Variants in ZNF875 observed in about 807,000 individuals in gnomAD.
ZNF875 encodes HKR1, GLI-Kruppel zinc finger family member.
ZNF875 carries 14 observed loss-of-function variants against 11.2 expected under a neutral mutation model. That is an observed-to-expected ratio of 1.26 (90% CI 0.83 to 1.96). The LOEUF (loss-of-function observed/expected upper bound fraction) is 1.96. ZNF875 is among the 30% of genes most tolerant of loss of function. The pLI is 0.00. For missense variants in ZNF875, 752 were observed against 760.4 expected (o/e 0.99, Z 0.13); for synonymous variants, 301 against 281.1 (o/e 1.07, Z -0.71).
chr19:37,327,790 C>T (rs1169975895), intron 4 of ZNF875, among the ~76,000 whole-genome samples: 3 of 150,206 alleles, frequency 2.0e-5, no homozygotes, highest in Non-Finnish European at 1.5e-5. Context: ...CATACTCGCT[C>T]GTATCAAAAA....
Position 37,320,476 on chromosome 19 carries a change from G to A in ZNF875, c.-746-1709G>A. 1.3e-5 allele frequency among the ~76,000 whole-genome samples: 2 copies of A among 152,192 alleles called. 1 individual carries two copies. The highest frequency in any genetic ancestry group is 4.1e-4 in the South Asian group (2 of 4,830). ...TATTGTTACTTAATGTGTTAAAGTGGCTGTTACAGACACTATTACTATGTC... is the reference window on the plus strand; with the variant it reads ...TATTGTTACTTAATGTGTTAAAGTGACTGTTACAGACACTATTACTATGTC... On this transcript the variant is annotated intron_variant, in intron 1 of 5. Coordinates refer to the ZNF875 transcript ENST00000544914.
chr19:37,362,538 A>T lies in ZNF875; in HGVS notation c.686A>T (p.Glu229Val), dbSNP rs1291712220. 1.2e-6 allele frequency: 2 copies of T among 1,614,234 alleles called. 1 individual carries two copies. Among genetic ancestry groups the T allele is most frequent in the South Asian group, 2.2e-5 (2 of 91,084 alleles). Reference protein sequence around the residue: ...EVSGFGEIKYEEFGPGFIKES... With the variant: ...EVSGFGEIKYVEFGPGFIKES... ...TCAGGATTTGGAGAAATCAAATATG[A>T]AGAGTTTGGGCCAGGCTTTATCAAG... The change falls in exon 5 of 5, where the codon GAA (glutamate) becomes GTA (valine). Residue 229 changes from glutamate to valine, a missense_variant. Physicochemically the swap from Glu to Val is moderately radical, Grantham distance 121. Transcript: ENST00000392153.
intron 4 of ZNF875, among the ~76,000 whole-genome samples, chr19:37,348,769 C>T (rs770530513): frequency 5.3e-5 from 8 of 152,130 alleles, no homozygotes; most frequent in Non-Finnish European, 8.8e-5. Flanking sequence ...TCCTTGGGCA[C>T]ATAAGCACCC....
chr19:37,325,805 C>T (rs1429296708), intron 4 of ZNF875, among the ~76,000 whole-genome samples: 8 of 152,042 alleles, frequency 5.3e-5, no homozygotes, highest in East Asian at 3.9e-4. Flanking sequence ...TATCTGGGGC[C>T]GAAATGATCC....
intron 2 of ZNF875, among the ~76,000 whole-genome samples, chr19:37,345,788 G>C (rs1038840123): frequency 6.6e-6 from 1 of 152,156 alleles, no homozygotes; most frequent in African/African-American, 2.4e-5. Context: ...ATGGACTGCA[G>C]ATTGTACCTA....
At chr19:37,324,613 T>C (rs1347413761) in intron 4 of ZNF875, among the ~76,000 whole-genome samples, 2 of 152,214 alleles carry the variant, frequency 1.3e-5, no homozygotes, top group Non-Finnish European at 2.9e-5. Flanking sequence ...AAAAATAATA[T>C]TCTACCCCTA....
intron 1 of ZNF875, among the ~76,000 whole-genome samples, chr19:37,319,821 G>A (rs1458814501): frequency 6.6e-6 from 1 of 152,062 alleles, no homozygotes; most frequent in African/African-American, 2.4e-5. Flanking sequence ...CACTTGAGTT[G>A]GTAACCTCAG....
chr19:37,356,914 G>C (rs1002388670), intron 4 of ZNF875, among the ~76,000 whole-genome samples: 3 of 152,164 alleles, frequency 2.0e-5, no homozygotes, highest in African/African-American at 7.2e-5. Context: ...CCAATGTCCA[G>C]AGAAGTTTTT....
At chr19:37,335,126 G>T in intron 1 of ZNF875, 43 bp from the exon 2 acceptor site, 2 of 681,500 alleles carry the variant, frequency 2.9e-6, no homozygotes, top group African/African-American at 1.8e-5. Flanking sequence ...CGTGGGGAGG[G>T]TGTTTCCACC....
At position 37,362,145 on chromosome 19, in the gene ZNF875, C is replaced by G. The variant is rs376490409; in HGVS notation, c.293C>G (p.Pro98Arg). Reference protein sequence around the residue: ...KPEIQLSPSCPLIFSSQQALS... With the variant: ...KPEIQLSPSCRLIFSSQQALS... ...GAAATTCAACTTAGTCCCTCCTGCC[C>G]TCTGATTTTCTCCAGTCAGCAAGCT... Residue 98 changes from proline to arginine, a missense_variant, in exon 5 of 5, where the codon CCT becomes CGT. By Grantham distance (103) the Pro-to-Arg change is moderately radical. Transcript: ENST00000392153. 1.7e-5 allele frequency: 28 copies of G among 1,614,036 alleles called. No homozygotes were observed. Among genetic ancestry groups the G allele is most frequent in the East Asian group, 6.7e-5 (3 of 44,878 alleles).
chr19:37,319,575 C>T (rs2030949388), intron 1 of ZNF875, among the ~76,000 whole-genome samples: 1 of 151,970 alleles, frequency 6.6e-6, no homozygotes, highest in South Asian at 2.1e-4. Context: ...CTCCCCTCTG[C>T]TTCTGACATT....
chr19:37,338,738 G>A (rs767874596), intron 2 of ZNF875, among the ~76,000 whole-genome samples: 3 of 152,184 alleles, frequency 2.0e-5, no homozygotes, highest in East Asian at 1.9e-4. Flanking sequence ...TTAAGTAAAC[G>A]ATTTGAAGGA....
rs145202068 is a variant in ZNF875 at position 37,362,708 on chromosome 19, G to A, written c.856G>A (p.Glu286Lys). 2 of 1,613,406 alleles carry A rather than the reference G, an allele frequency of 1.2e-6. No homozygotes were observed. Among genetic ancestry groups the A allele is most frequent in the Non-Finnish European group, 1.7e-6 (2 of 1,179,676 alleles). ...TGGGGGAAAGCCTTATGTGTGCAGGGAATGTGGGCGAGGCTTTACGTGGAA... is the reference window on the plus strand; with the variant it reads ...TGGGGGAAAGCCTTATGTGTGCAGGAAATGTGGGCGAGGCTTTACGTGGAA... ...HSGGKPYVCRECGRGFTWKSN... is the reference protein window; with the variant it reads ...HSGGKPYVCRKCGRGFTWKSN... The change falls in exon 5 of 5, where the codon GAA (glutamate) becomes AAA (lysine). Residue 286 changes from glutamate (E) to lysine (K), a missense_variant. Physicochemically the swap from Glu to Lys is moderately conservative, Grantham distance 56. Transcript: ENST00000392153.
chr19:37,341,574 G>A (rs1484008041), intron 2 of ZNF875, among the ~76,000 whole-genome samples: 4 of 152,134 alleles, frequency 2.6e-5, no homozygotes, highest in East Asian at 1.9e-4. Context: ...TTGGCCAAAG[G>A]AAGTCACATG....
intron 1 of ZNF875, among the ~76,000 whole-genome samples, chr19:37,320,993 T>C (rs2031308883): frequency 6.6e-6 from 1 of 152,246 alleles, no homozygotes; most frequent in Non-Finnish European, 1.5e-5. Flanking sequence ...CAGGATGTGC[T>C]TTGTTAAACA....
upstream of ZNF875, among the ~76,000 whole-genome samples, chr19:37,330,828 C>T (rs569887256): frequency 1.8e-4 from 28 of 151,660 alleles, 1 homozygote; most frequent in South Asian, 3.7e-3. Context: ...GTTTGTTCTT[C>T]CCCTTTTGTG....
rs141702320 is a variant in ZNF875, at chr19:37,362,232, A to G, written c.380A>G (p.Asn127Ser). 83 of 1,614,060 alleles carry G rather than the reference A, an allele frequency of 5.1e-5. No homozygotes were observed. Among genetic ancestry groups the G allele is most frequent in the Non-Finnish European group, 6.4e-5 (75 of 1,180,026 alleles). ...CTGTTTTCAAGTTTATGGGCAGGAA[A>G]TCCTCTCCACCTGGGAAAACACTAT... ...SQLFSSLWAG[N>S]PLHLGKHYPE... The change falls in exon 5 of 5, where the codon AAT becomes AGT. Residue 127 changes from asparagine to serine, a missense_variant. Physicochemically the swap from Asn to Ser is conservative, Grantham distance 46. Coordinates refer to ENST00000392153, the MANE Select transcript of ZNF875 (RefSeq NM_001353803.2).
intron 4 of ZNF875, among the ~76,000 whole-genome samples, chr19:37,360,331 A>G (rs570693121): frequency 7.2e-5 from 11 of 152,302 alleles, no homozygotes; most frequent in Admixed American, 2.6e-4. Context: ...GTAGCTTTAT[A>G]TTAAGTTTTG....
At chr19:37,334,437 G>A (rs545306920), upstream of ZNF875, among the ~76,000 whole-genome samples, 19 of 152,200 alleles carry the variant, frequency 1.2e-4, no homozygotes, top group Admixed American at 2.0e-4. Flanking sequence ...GATCTCATTG[G>A]TTTACAGAGA....
Sources: allele counts gnomAD v4.1 joint callset (sites outside exome capture counted in the v4.1 genomes callset), GRCh38; gene constraint gnomAD v4.1.1; transcripts MANE v1.5; gene names NCBI Gene and HGNC (gene_info 2026-07-23, HGNC 2026-07-21).